Variants in CSMD1 observed in about 807,000 individuals in gnomAD.
CSMD1 encodes the protein CUB and sushi domain-containing protein 1.
Under a neutral mutation model 417.5 loss-of-function variants are expected in CSMD1, and 213 were observed. The ratio of observed to expected loss-of-function variants is 0.51; its 90% CI spans 0.46 to 0.57. The LOEUF is 0.57. Ranked by LOEUF, CSMD1 falls within the 20% of genes least tolerant of loss-of-function variation. The pLI, the probability that CSMD1 is intolerant of heterozygous loss-of-function variation, is 0.00. For synonymous variants in CSMD1, 2,862 were observed against 1,736.8 expected, an observed-to-expected ratio of 1.65 and a Z score of -16.11; for missense variants, 6,923 against 4,529.7, an observed-to-expected ratio of 1.53 and a Z score of -15.17.
At position 3,513,334 on chromosome 8, in the gene CSMD1, A is replaced by G. The variant is rs146743171; in HGVS notation, c.1345-19608T>C. ...TAAGTCCTGGCTTTGTCACTTGCCC[A>G]CAGATTTTTTTTTTTTTTTGAGATG... On this transcript the variant is annotated intron_variant, in intron 10 of 69. Transcript: ENST00000635120. Among the ~76,000 whole-genome samples, 1,130 of 148,906 alleles carry G rather than the reference A, an allele frequency of 7.6e-3. 20 individuals are homozygous for G. Among genetic ancestry groups the G allele is most frequent in the African/African-American group, 0.026 (1,076 of 40,750 alleles).
chr8:4,812,613 C>G (rs1208491782), intron 1 of CSMD1, among the ~76,000 whole-genome samples: 2 of 151,880 alleles, frequency 1.3e-5, no homozygotes, highest in African/African-American at 4.8e-5. Context: ...TTAAAAAAAC[C>G]TACATACAAT....
At chr8:3,079,001 A>G (rs752607810) in intron 49 of CSMD1, among the ~76,000 whole-genome samples, 18 of 152,158 alleles carry the variant, frequency 1.2e-4, no homozygotes, top group Non-Finnish European at 2.4e-4. Context: ...ATTTGCAGAT[A>G]AAGAACTTCA....
chr8:4,767,723 T>G (rs980495521), intron 1 of CSMD1, among the ~76,000 whole-genome samples: 1 of 152,228 alleles, frequency 6.6e-6, no homozygotes, highest in African/African-American at 2.4e-5. Flanking sequence ...AAACACCACT[T>G]CTGTGCTCAG....
intron 3 of CSMD1, among the ~76,000 whole-genome samples, chr8:4,152,814 A>ACTCTCTCAC (rs1796639777): frequency 1.3e-5 from 2 of 152,230 alleles, no homozygotes; most frequent in Non-Finnish European, 2.9e-5. Context: ...ACATACACGT[A>ACTCTCTCAC]TAGTGAGAGA....
At chr8:4,131,436 G>C (rs182598024) in intron 3 of CSMD1, among the ~76,000 whole-genome samples, 2 of 152,198 alleles carry the variant, frequency 1.3e-5, no homozygotes, top group Admixed American at 1.3e-4. Context: ...AACTACCCCT[G>C]AGGTCAAATA....
At chr8:4,632,912 A>G (rs1017795749) in intron 2 of CSMD1, among the ~76,000 whole-genome samples, 5 of 152,232 alleles carry the variant, frequency 3.3e-5, no homozygotes, top group African/African-American at 1.2e-4. Flanking sequence ...AGTAACCCAC[A>G]GATCTGTGCA....
At chr8:4,918,177 T>C (rs1466707693) in intron 1 of CSMD1, among the ~76,000 whole-genome samples, 2 of 152,228 alleles carry the variant, frequency 1.3e-5, no homozygotes, top group African/African-American at 4.8e-5. Flanking sequence ...TGTTGGTGAC[T>C]CCTGAGTTGA....
At chr8:4,389,997 A>C (rs937693079) in intron 3 of CSMD1, among the ~76,000 whole-genome samples, 2 of 152,278 alleles carry the variant, frequency 1.3e-5, no homozygotes, top group South Asian at 2.1e-4. Context: ...ATATTTTTTA[A>C]CTTTCCTAGA....
At chr8:4,418,321 A>T (rs927727397) in intron 3 of CSMD1, among the ~76,000 whole-genome samples, 1 of 152,182 alleles carries the variant, frequency 6.6e-6, no homozygotes, top group Non-Finnish European at 1.5e-5. Flanking sequence ...GTAACAAAGA[A>T]ATATTTTTCC....
intron 3 of CSMD1, among the ~76,000 whole-genome samples, chr8:4,307,047 A>G (rs557178798): frequency 6.6e-6 from 1 of 152,088 alleles, no homozygotes; most frequent in East Asian, 1.9e-4. Context: ...TGTGGGGTTT[A>G]TGGTATCCTC....
At chr8:4,508,442 C>A (rs1468264200) in intron 2 of CSMD1, among the ~76,000 whole-genome samples, 1 of 152,054 alleles carries the variant, frequency 6.6e-6, no homozygotes, top group Non-Finnish European at 1.5e-5. Flanking sequence ...CACTTAGATA[C>A]CAATGAAACA....
At chr8:4,652,549 G>T (rs904784626) in intron 1 of CSMD1, among the ~76,000 whole-genome samples, 1 of 152,026 alleles carries the variant, frequency 6.6e-6, no homozygotes, top group Non-Finnish European at 1.5e-5. Flanking sequence ...CTACTCAGCA[G>T]GTTGAGGCAG....
At chr8:4,448,256 A>C (rs1363464278) in intron 2 of CSMD1, among the ~76,000 whole-genome samples, 1 of 152,214 alleles carries the variant, frequency 6.6e-6, no homozygotes, top group Non-Finnish European at 1.5e-5. Context: ...AAGCCCATTT[A>C]GCAAAGCATT....
At chr8:3,447,957 C>G (rs1240071798) in intron 12 of CSMD1, among the ~76,000 whole-genome samples, 1 of 152,128 alleles carries the variant, frequency 6.6e-6, no homozygotes, top group African/African-American at 2.4e-5. Context: ...CCACATGGGA[C>G]AGAGCCTCAA....
intron 3 of CSMD1, among the ~76,000 whole-genome samples, chr8:4,055,164 A>T (rs1798627381): frequency 6.6e-6 from 1 of 152,174 alleles, no homozygotes; most frequent in African/African-American, 2.4e-5. Flanking sequence ...TTGAAATATG[A>T]ATTTCTCATA....
At chr8:3,992,116 GTA>G in intron 5 of CSMD1, among the ~76,000 whole-genome samples, 1 of 140,746 alleles carries the variant, frequency 7.1e-6, no homozygotes, top group Admixed American at 7.3e-5. Context: ...GGAGAAATGT[GTA>G]TATATATGTG....
intron 26 of CSMD1, among the ~76,000 whole-genome samples, chr8:3,281,052 C>T (rs1802698482): frequency 1.3e-5 from 2 of 152,158 alleles, no homozygotes; most frequent in Admixed American, 1.3e-4. Context: ...GAACTGAAAA[C>T]TTACGTCCAC....
chr8:4,550,259 G>C (rs1019403052), intron 2 of CSMD1, among the ~76,000 whole-genome samples: 8 of 151,136 alleles, frequency 5.3e-5, no homozygotes, highest in Non-Finnish European at 8.8e-5. Context: ...CATTTCCATG[G>C]TTGTGGTTTC....
intron 3 of CSMD1, among the ~76,000 whole-genome samples, chr8:4,391,266 T>A (rs530461559): frequency 8.1e-4 from 123 of 152,304 alleles, no homozygotes; most frequent in African/African-American, 2.9e-3. Flanking sequence ...ACTCACTGCT[T>A]TCACTCATCT....
Sources: gnomAD v4.1 joint callset for allele counts (sites outside exome capture counted in the v4.1 genomes callset) on GRCh38, gnomAD v4.1.1 for gene constraint, MANE v1.5 for transcripts, NCBI Gene and HGNC (gene_info 2026-07-23, HGNC 2026-07-21) for gene names.